The following CROCC variants were observed in gnomAD, a reference collection of about 807,000 sequenced individuals.
CROCC encodes the protein rootletin.
In CROCC, 180 loss-of-function variants were observed where a neutral mutation model predicts 245.2. The observed-to-expected ratio is 0.73, with a 90% CI of 0.65 to 0.83. The LOEUF is 0.83. CROCC is among the 40% of genes least tolerant of loss of function. The pLI is 0.00. For missense variants in CROCC, 2,688 were observed against 2,779.4 expected (o/e 0.97, Z 0.74); for synonymous variants, 1,205 against 1,241.6 (o/e 0.97, Z 0.62).
chr1:16,972,537 T>G lies in CROCC; in HGVS notation c.*91T>G. ...CCCCCCCACCCAGAGCCCGGTCCCT[T>G]GGGGGCCTCAAGCTGGGGTGGGATG... On this transcript the variant is annotated 3_prime_UTR_variant, in exon 37 of 37. Transcript: ENST00000375541. 1.2e-6 allele frequency: 1 copy of G among 844,492 alleles called. No individual in the cohort carries two copies. The highest frequency in any genetic ancestry group is 1.8e-6 in the Non-Finnish European group (1 of 557,480). 52.3% of individuals were successfully genotyped at this position (844,492 alleles called of 1,614,324 possible). A position where few individuals can be genotyped will look rare whatever the true frequency, so the allele number is the denominator to read the frequency against.
Position 16,966,079 on chromosome 1 carries a change from G to A in CROCC, c.4656G>A (p.Arg1552=). The A allele has an allele frequency of 1.2e-6, 2 of 1,613,606 alleles. No individual in the cohort carries two copies. The highest frequency in any genetic ancestry group is 2.2e-5 in the East Asian group (1 of 44,868). Residue 1552 remains arginine (R), a synonymous_variant, in exon 29 of 37, where the codon AGG becomes AGA. Coordinates refer to ENST00000375541, the MANE Select transcript of CROCC (RefSeq NM_014675.5). The surrounding 1 kb of genome is among the most constrained non-coding windows in gnomAD (Gnocchi z 4.8). The stretch of plus-strand genomic sequence containing the variant: ...CTGAGAGGGACAGCGCAACCTCGAG[G>A]GCCAGGCAGCTGCAGAAGGCGGTGG... The part of the protein sequence containing the change: ...MEAERDSATS[R]ARQLQKAVAE...
At chr1:16,959,148 G>A in intron 26 of CROCC, among the ~76,000 whole-genome samples, 1 of 152,236 alleles carries the variant, frequency 6.6e-6, no homozygotes, top group East Asian at 1.9e-4. Context: ...TCAGCCTCCC[G>A]AGTATCTGGG....
At position 16,954,306 on chromosome 1, in the gene CROCC, G is replaced by T. The variant is rs2076212925; in HGVS notation, c.3270G>T (p.Leu1090=). The change falls in exon 22 of 37, where the codon CTG becomes CTT. Residue 1090 remains leucine (L), a synonymous_variant. Transcript: ENST00000375541. The surrounding 1 kb of genome is among the most constrained non-coding windows in gnomAD (Gnocchi z 4.4). ...GTRHSLATIS[L]EMERQKRDAQ... is the part of the protein sequence containing the mutation. Reference sequence around the variant, plus strand: ...GGCACAGCCTGGCCACCATCTCCCTGGAGATGGAGCGGCAGAAACGAGATG... The same window carrying T: ...GGCACAGCCTGGCCACCATCTCCCTTGAGATGGAGCGGCAGAAACGAGATG... 1.2e-6 allele frequency: 2 copies of T among 1,612,174 alleles called. No homozygotes were observed. Among genetic ancestry groups the T allele is most frequent in the African/African-American group, 2.7e-5 (2 of 75,034 alleles).
intron 20 of CROCC, 33 bp from the exon 21 acceptor site, chr1:16,953,269 G>T (rs1361604487): frequency 1.9e-6 from 3 of 1,548,056 alleles, no homozygotes; most frequent in East Asian, 4.8e-5. Context: ...CCCCCTCCTG[G>T]TGTGTCACAG....
upstream of CROCC, among the ~76,000 whole-genome samples, chr1:16,921,688 T>G (rs756814052): frequency 6.6e-6 from 1 of 152,214 alleles, no homozygotes; most frequent in Non-Finnish European, 1.5e-5. Context: ...GTGTGTGAGG[T>G]CCTGACCTCC....
intron 26 of CROCC, 58 bp from the exon 27 acceptor site, chr1:16,960,700 G>A (rs1378091553): frequency 3.5e-6 from 5 of 1,425,534 alleles, no homozygotes; most frequent in Non-Finnish European, 4.6e-6. Flanking sequence ...GGGCCTTAGG[G>A]GTGGGGCGTC....
chr1:16,949,322 C>T (rs450236), intron 19 of CROCC, among the ~76,000 whole-genome samples: 154 of 152,066 alleles, frequency 1.0e-3, no homozygotes, highest in African/African-American at 3.6e-3. Flanking sequence ...TTCCCTGCAC[C>T]GTTCCCATCC....
intron 13 of CROCC, among the ~76,000 whole-genome samples, chr1:16,943,009 G>C (rs551487614): frequency 6.6e-6 from 1 of 152,220 alleles, no homozygotes; most frequent in Non-Finnish European, 1.5e-5. Context: ...TTGGGAGGCC[G>C]AGGCAGGAGG....
At chr1:16,943,544 A>AC (rs1183593062) in intron 13 of CROCC, among the ~76,000 whole-genome samples, 1 of 152,278 alleles carries the variant, frequency 6.6e-6, no homozygotes, top group African/African-American at 2.4e-5. Flanking sequence ...TCTCAAAAAA[A>AC]AAAAATAAAA....
intron 30 of CROCC, among the ~76,000 whole-genome samples, 159 bp from the exon 31 acceptor site, chr1:16,968,044 G>A (rs2076446940): frequency 6.6e-6 from 1 of 152,178 alleles, no homozygotes; most frequent in Non-Finnish European, 1.5e-5. Flanking sequence ...GGGAACGCAT[G>A]GGGAGACCGA....
At chr1:16,971,928 C>G (rs2076528717) in intron 36 of CROCC, among the ~76,000 whole-genome samples, 1 of 152,204 alleles carries the variant, frequency 6.6e-6, no homozygotes. Context: ...GCCTCAGGTT[C>G]TCCCAGCAAT....
At chr1:16,963,535 C>T (rs979344402) in intron 27 of CROCC, among the ~76,000 whole-genome samples, 2 of 152,182 alleles carry the variant, frequency 1.3e-5, no homozygotes, top group Admixed American at 6.5e-5. Context: ...AACCTCTGAG[C>T]GAGGCCTTTT....
At chr1:16,970,171 G>C in intron 33 of CROCC, 82 bp from the exon 34 acceptor site, 1 of 1,380,558 alleles carries the variant, frequency 7.2e-7, no homozygotes, top group Non-Finnish European at 9.7e-7. Context: ...CTCTGTGAGT[G>C]GGCCAGCCTC....
rs1023405702 is a variant in CROCC, at chr1:16,956,267, C to G, written c.3864+111C>G. ...CCCTATGTAAAACCAGGGGCTTGAACTATGACAAGCCCTCTCACCTAACCT... is the reference window on the plus strand; with the variant it reads ...CCCTATGTAAAACCAGGGGCTTGAAGTATGACAAGCCCTCTCACCTAACCT... On this transcript the variant is annotated intron_variant, in intron 25 of 36. Transcript: ENST00000375541. The G allele has an allele frequency of 2.6e-6, 3 of 1,149,702 alleles. No individual in the cohort carries two copies. In the African/African-American group the frequency reaches 4.7e-5, roughly 18 times the overall value. The allele number at this position is 1,149,702 out of a possible 1,614,324, so 71.2% of individuals were successfully genotyped here.
Position 16,966,034 on chromosome 1 carries a change from C to T in CROCC, c.4611C>T (p.Arg1537=). ...ELRTQTSALN[R]QLAEMEAERD... ...GGACCCAGACCAGTGCCCTGAATCGCCAGCTGGCCGAGATGGAGGCTGAGA... is the reference window on the plus strand; with the variant it reads ...GGACCCAGACCAGTGCCCTGAATCGTCAGCTGGCCGAGATGGAGGCTGAGA... The change falls in exon 29 of 37, where the codon CGC becomes CGT. Residue 1537 remains arginine, a synonymous_variant. Transcript: ENST00000375541. The surrounding 1 kb of genome is among the most constrained non-coding windows in gnomAD (Gnocchi z 4.8). 6.2e-7 allele frequency: 1 copy of T among 1,613,852 alleles called. No homozygotes were observed. The highest frequency in any genetic ancestry group is 8.5e-7 in the Non-Finnish European group (1 of 1,179,802).
Position 16,948,849 on chromosome 1 carries a change from TG to T in CROCC, c.2761del (p.Ala921ProfsTer24), listed in dbSNP as rs1284857567. On this transcript the variant is annotated frameshift_variant, in exon 19 of 37. Transcript: ENST00000375541. LOFTEE classifies it high-confidence loss of function. ...AGCCTGTTTGAGGTGCAACGGCAGCTGGCCCAGCTTGAGGCCCGCCGGGAGC... is the reference window on the plus strand; with the variant it reads ...AGCCTGTTTGAGGTGCAACGGCAGCTGCCCAGCTTGAGGCCCGCCGGGAGC... ...EGSLFEVQRQLAQLEARREQL... is the reference protein window; with the variant it reads ...EGSLFEVQRQXAQLEARREQL... The T allele has an allele frequency of 6.2e-7, 1 of 1,611,080 alleles. No homozygotes were observed. The highest frequency in any genetic ancestry group is 8.5e-7 in the Non-Finnish European group (1 of 1,179,860).
intron 31 of CROCC, 22 bp from the exon 32 acceptor site, chr1:16,969,094 G>C (rs1335678405): frequency 3.8e-6 from 6 of 1,579,322 alleles, no homozygotes; most frequent in African/African-American, 1.3e-5. Flanking sequence ...AGCCCCGATT[G>C]TTCTGGCTGT....
chr1:16,917,359 T>A (rs1487863850), upstream of CROCC, among the ~76,000 whole-genome samples: 2 of 152,300 alleles, frequency 1.3e-5, no homozygotes, highest in Non-Finnish European at 2.9e-5. Flanking sequence ...TTTGTCATAA[T>A]TTCTAGTCAG....
At position 16,970,641 on chromosome 1, in the gene CROCC, G is replaced by A. The variant is rs756736571; in HGVS notation, c.5658G>A (p.Glu1886=). The A allele has an allele frequency of 9.7e-6, 15 of 1,548,928 alleles. No individual in the cohort carries two copies. In the South Asian group the frequency reaches 1.5e-4, roughly 15 times the overall value. ...CCTGTGGCTCTCCTGCCTAGGTGGA[G>A]CGGGAGAAGCTTCGTAGCCATGAGG... ...VALRRTLDKV[E]REKLRSHEDT... Residue 1886 remains glutamate (E), a synonymous_variant, in exon 35 of 37, where the codon GAG becomes GAA. Transcript: ENST00000375541.
Sources: allele counts gnomAD v4.1 joint callset (sites outside exome capture counted in the v4.1 genomes callset), GRCh38; gene constraint gnomAD v4.1.1; non-coding constraint Gnocchi (gnomAD v3.1); transcripts MANE v1.5; gene names NCBI Gene and HGNC (gene_info 2026-07-23, HGNC 2026-07-21).